Variants in CSNK1D observed in about 807,000 individuals in gnomAD.
CSNK1D encodes casein kinase I isoform delta.
In CSNK1D, 16 loss-of-function variants were observed where a neutral mutation model predicts 46.6. That is an observed-to-expected ratio of 0.34 (90% confidence interval 0.23 to 0.52). The LOEUF is 0.52. Ranked by LOEUF, CSNK1D falls within the 20% of genes least tolerant of loss-of-function variation. The probability of loss-of-function intolerance (pLI) is 0.95; values close to 1 mark genes in which losing one functional copy is unlikely to be tolerated. For missense variants in CSNK1D, 398 were observed against 578.4 expected, an observed-to-expected ratio of 0.69 and a Z score of 3.20; for synonymous variants, 276 against 228.2, an observed-to-expected ratio of 1.21 and a Z score of -1.89.
rs1171452787 is a variant in CSNK1D at position 82,273,235 on chromosome 17, C to CGA, written c.76+69_76+70dup. ...CCGCGGGGGCCACCACTTCCTTCCGCGATCGCGCTTGGTCTTGGCAGCCGC... is the reference window on the plus strand; with the variant it reads ...CCGCGGGGGCCACCACTTCCTTCCGCGAGATCGCGCTTGGTCTTGGCAGCCGC... On this transcript the variant is annotated intron_variant, in intron 1 of 8. Transcript: ENST00000314028. The surrounding 1 kb of genome is among the most constrained non-coding windows in gnomAD (Gnocchi z 5.1). 1.2e-5 allele frequency: 17 copies of CGA among 1,477,172 alleles called. 1 individual carries two copies. The highest frequency in any genetic ancestry group is 1.6e-5 in the Non-Finnish European group (17 of 1,085,810). 91.5% of individuals were successfully genotyped at this position (1,477,172 alleles called of 1,614,324 possible).
At chr17:82,240,109 C>A, downstream of CSNK1D, 5 of 1,213,894 alleles carry the variant, frequency 4.1e-6, no homozygotes, top group Non-Finnish European at 5.2e-6. Flanking sequence ...GTCCAGCTGT[C>A]CCCATCTGCC....
chr17:82,245,491 G>C, intron 8 of CSNK1D: 1 of 210,756 alleles, frequency 4.7e-6, no homozygotes, highest in Non-Finnish European at 9.8e-6. Flanking sequence ...GAGGCGACTA[G>C]AAAAGCTGGC....
In CSNK1D at chr17:82,255,389, G is replaced by T. The variant is rs1051850112; in HGVS notation, c.336+40C>A. On this transcript the variant is annotated intron_variant, in intron 3 of 8. Coordinates refer to ENST00000314028, the MANE Select transcript of CSNK1D (RefSeq NM_001893.6). This position sits in a 1 kb window ranked among gnomAD's most constrained non-coding sequence, Gnocchi z 5.9. Reference sequence around the variant, plus strand: ...CACAAGCGAGTGGCTGATTCTATCAGACAGCAAGTGTGTGCCAACTGTCAG... The same window carrying T: ...CACAAGCGAGTGGCTGATTCTATCATACAGCAAGTGTGTGCCAACTGTCAG... The T allele has an allele frequency of 2.2e-5, 35 of 1,611,966 alleles. No individual in the cohort carries two copies. The highest frequency in any genetic ancestry group is 4.0e-5 in the African/African-American group (3 of 74,908).
Position 82,248,799 on chromosome 17 carries a change from G to A in CSNK1D, c.1197+76C>T, listed in dbSNP as rs1000459710. The A allele has an allele frequency of 1.9e-6, 3 of 1,555,930 alleles. No individual in the cohort carries two copies. Among genetic ancestry groups the A allele is most frequent in the Non-Finnish European group, 2.6e-6 (3 of 1,151,318 alleles). ...GGGAAGAAAGGAAAGAAGAAGCCCT[G>A]GAGAAACCACAGCCCGCTCTTGACT... On this transcript the variant is annotated intron_variant, in intron 8 of 8. Transcript: ENST00000314028. This position sits in a 1 kb window ranked among gnomAD's most constrained non-coding sequence, Gnocchi z 4.1.
chr17:82,239,497 G>C (rs2050708396), downstream of CSNK1D: 1 of 170,386 alleles, frequency 5.9e-6, no homozygotes, highest in African/African-American at 2.4e-5. Context: ...TTTCCTAGGA[G>C]TATGTGGTTT....
Position 82,249,803 on chromosome 17 carries a change from C to T in CSNK1D, c.886-201G>A. On this transcript the variant is annotated intron_variant, in intron 6 of 8. Transcript: ENST00000314028. This position sits in a 1 kb window ranked among gnomAD's most constrained non-coding sequence, Gnocchi z 6.7. ...CACAAGGGGTCAGAGCCAGGCCTCT[C>T]AGCTCCCCCAACAATCGAAAAAACC... 3 of 1,439,448 alleles carry T rather than the reference C, an allele frequency of 2.1e-6. No individual in the cohort carries two copies. The highest frequency in any genetic ancestry group is 2.7e-6 in the Non-Finnish European group (3 of 1,100,906). 89.2% of individuals were successfully genotyped at this position (1,439,448 alleles called of 1,614,324 possible).
At chr17:82,247,742 G>C (rs569175324) in intron 8 of CSNK1D, 1 of 985,426 alleles carries the variant, frequency 1.0e-6, no homozygotes, top group Non-Finnish European at 1.2e-6. Flanking sequence ...ACCCATTCTC[G>C]TGACGCAGCC....
In CSNK1D at chr17:82,252,972, C is replaced by A; in HGVS notation, c.565+44G>T. 1 of 1,583,592 alleles carries A rather than the reference C, an allele frequency of 6.3e-7. No individual in the cohort carries two copies. The highest frequency in any genetic ancestry group is 8.7e-7 in the Non-Finnish European group (1 of 1,153,712). ...CTCCCTGGGCTGAGGCATGGACGCG[C>A]CCAAAGGCACCCCAGGTCAGTGACC... is the stretch of plus-strand genomic sequence containing the variant. On this transcript the variant is annotated intron_variant, in intron 4 of 8. Transcript: ENST00000314028. This position sits in a 1 kb window ranked among gnomAD's most constrained non-coding sequence, Gnocchi z 4.6.
chr17:82,252,674 G>A lies in CSNK1D; in HGVS notation c.566-70C>T. ...CACGTCAAAGCAAAAGACCCGGCTG[G>A]CCGTTCCAGTGGAGACTAGCCTCAG... On this transcript the variant is annotated intron_variant, in intron 4 of 8. Transcript: ENST00000314028. This position sits in a 1 kb window ranked among gnomAD's most constrained non-coding sequence, Gnocchi z 4.6. The A allele has an allele frequency of 3.3e-6, 5 of 1,512,694 alleles. No homozygotes were observed. The highest frequency in any genetic ancestry group is 4.5e-6 in the Non-Finnish European group (5 of 1,113,652). 93.7% of individuals were successfully genotyped at this position (1,512,694 alleles called of 1,614,324 possible).
chr17:82,240,064 T>C (rs1271515999), downstream of CSNK1D: 3 of 1,233,674 alleles, frequency 2.4e-6, no homozygotes, highest in Non-Finnish European at 3.0e-6. Context: ...CCTGCTCCTC[T>C]GCAATGAAAA....
At chr17:82,241,101 C>T (rs150935624), downstream of CSNK1D, among the ~76,000 whole-genome samples, 170 of 151,884 alleles carry the variant, frequency 1.1e-3, no homozygotes, top group Middle Eastern at 3.4e-3. Flanking sequence ...CACGTCCGTC[C>T]AGAACCCACT....
chr17:82,240,575 G>A (rs1366151873), downstream of CSNK1D, among the ~76,000 whole-genome samples: 3 of 152,114 alleles, frequency 2.0e-5, no homozygotes, highest in African/African-American at 2.4e-5. Context: ...CAGGTATCTC[G>A]GGCCCTCACC....
At chr17:82,258,395 G>C (rs2051239655) in intron 2 of CSNK1D, among the ~76,000 whole-genome samples, 2 of 151,554 alleles carry the variant, frequency 1.3e-5, no homozygotes, top group South Asian at 4.2e-4. Context: ...GGGAATAGTT[G>C]CATTCTGCGT....
chr17:82,266,593 T>C (rs888554331), intron 1 of CSNK1D: 1 of 152,972 alleles, frequency 6.5e-6, no homozygotes, highest in African/African-American at 2.4e-5. Flanking sequence ...ACAACCACCA[T>C]CCCTCTCAGG....
chr17:82,273,093 G>T lies in CSNK1D; in HGVS notation c.76+213C>A. ...TCTCCAGACCCTGCTCCCCCGACCT[G>T]GTCCTGCCCCTCCCCCACGTCCGCT... On this transcript the variant is annotated intron_variant, in intron 1 of 8. Coordinates refer to ENST00000314028, the MANE Select transcript of CSNK1D (RefSeq NM_001893.6). This position sits in a 1 kb window ranked among gnomAD's most constrained non-coding sequence, Gnocchi z 5.1. The T allele has an allele frequency of 2.4e-6, 1 of 410,690 alleles. No individual in the cohort carries two copies. The highest frequency in any genetic ancestry group is 4.3e-6 in the Non-Finnish European group (1 of 235,186). The allele number at this position is 410,690 out of a possible 1,614,324, so 25.4% of individuals were successfully genotyped here.
At position 82,243,931 on chromosome 17, in the gene CSNK1D, C is replaced by T. The variant is rs1212640191; in HGVS notation, c.*850G>A. ...GCTAGGGTCTCAAAGCCTCTGCTTC[C>T]AAGCTCTCAGCTGCCTGCCCACCTC... is the stretch of plus-strand genomic sequence containing the variant. On this transcript the variant is annotated 3_prime_UTR_variant, in exon 9 of 9. Transcript: ENST00000314028. 3 of 985,744 alleles carry T rather than the reference C, an allele frequency of 3.0e-6. No homozygotes were observed. In the African/African-American group the frequency reaches 5.2e-5, roughly 17 times the overall value. The allele number at this position is 985,744 out of a possible 1,614,324, so 61.1% of individuals were successfully genotyped here. A position where few individuals can be genotyped will look rare whatever the true frequency, so the allele number is the denominator to read the frequency against.
chr17:82,243,037 C>T lies in CSNK1D; in HGVS notation c.*1744G>A. On this transcript the variant is annotated 3_prime_UTR_variant, in exon 9 of 9. Coordinates refer to ENST00000314028, the MANE Select transcript of CSNK1D (RefSeq NM_001893.6). Reference sequence around the variant, plus strand: ...GAAGGGGTCCAGCAACAAAGAAAATCTCTTAACTCGGCTCTGACCCACCCC... The same window carrying T: ...GAAGGGGTCCAGCAACAAAGAAAATTTCTTAACTCGGCTCTGACCCACCCC... 1.7e-5 allele frequency: 17 copies of T among 985,452 alleles called. No homozygotes were observed. The highest frequency in any genetic ancestry group is 2.0e-5 in the Non-Finnish European group (17 of 829,950). The allele number at this position is 985,452 out of a possible 1,614,324, so 61.0% of individuals were successfully genotyped here. A position where few individuals can be genotyped will look rare whatever the true frequency, so the allele number is the denominator to read the frequency against.
At chr17:82,253,621 G>A in intron 3 of CSNK1D, 1 of 359,496 alleles carries the variant, frequency 2.8e-6, no homozygotes, top group East Asian at 7.2e-5. Context: ...GTGTTCCTGA[G>A]AGACTGAGGA....
At chr17:82,271,010 T>A (rs1005805546) in intron 1 of CSNK1D, among the ~76,000 whole-genome samples, 3 of 152,240 alleles carry the variant, frequency 2.0e-5, no homozygotes, top group African/African-American at 7.2e-5. Flanking sequence ...TCTTAATCTA[T>A]CTTTGGAAAG....
Sources: gnomAD v4.1 joint callset for allele counts (sites outside exome capture counted in the v4.1 genomes callset) on GRCh38, gnomAD v4.1.1 for gene constraint, Gnocchi (gnomAD v3.1) non-coding constraint, MANE v1.5 for transcripts, NCBI Gene and HGNC (gene_info 2026-07-23, HGNC 2026-07-21) for gene names.